RCHY1: variants seen among roughly 807,000 people sequenced by gnomAD.
RCHY1 encodes RING finger and CHY zinc finger domain-containing protein 1.
A neutral mutation model predicts 41.6 loss-of-function variants in RCHY1; 21 were observed. The ratio of observed to expected loss-of-function variants is 0.51; its 90% CI spans 0.36 to 0.73. The LOEUF (loss-of-function observed/expected upper bound fraction) is 0.73. Among genes scored for constraint, RCHY1 ranks in the 30% least tolerant of loss-of-function variants. The pLI is 0.00. For missense variants in RCHY1, 265 were observed against 325.3 expected, an observed-to-expected ratio of 0.81 and a Z score of 1.43; for synonymous variants, 79 against 102.9, an observed-to-expected ratio of 0.77 and a Z score of 1.41.
chr4:75,494,439 C>T (rs1578217742), intron 3 of RCHY1: 1 of 349,256 alleles, frequency 2.9e-6, no homozygotes. Context: ...ACACACATTT[C>T]GGGTTTGATT....
At chr4:75,510,013 A>G (rs1216098511) in intron 1 of RCHY1, among the ~76,000 whole-genome samples, 1 of 152,230 alleles carries the variant, frequency 6.6e-6, no homozygotes, top group Non-Finnish European at 1.5e-5. Flanking sequence ...ATTCATTTAC[A>G]TTAAAAATAA....
At chr4:75,503,688 T>C (rs1247671552) in intron 3 of RCHY1, among the ~76,000 whole-genome samples, 2 of 151,106 alleles carry the variant, frequency 1.3e-5, no homozygotes, top group Admixed American at 6.6e-5. Flanking sequence ...TGGGACTCCA[T>C]CTCAAAAAAA....
intron 8 of RCHY1, among the ~76,000 whole-genome samples, chr4:75,486,066 T>G (rs1176894531): frequency 4.6e-5 from 7 of 152,176 alleles, no homozygotes; most frequent in South Asian, 2.1e-4. Context: ...CACTAGAGCT[T>G]CTTCTTCCCT....
At position 75,482,358 on chromosome 4, in the gene RCHY1, A is replaced by T. The variant is rs1721586677; in HGVS notation, c.*180T>A. The T allele has an allele frequency of 2.4e-6, 1 of 424,114 alleles. No individual in the cohort carries two copies. Among genetic ancestry groups the T allele is most frequent in the African/African-American group, 2.0e-5 (1 of 48,946 alleles). 26.3% of individuals were successfully genotyped at this position (424,114 alleles called of 1,614,324 possible). A position where few individuals can be genotyped will look rare whatever the true frequency, so the allele number is the denominator to read the frequency against. On this transcript the variant is annotated 3_prime_UTR_variant, in exon 9 of 9. Coordinates refer to ENST00000324439, the MANE Select transcript of RCHY1 (RefSeq NM_015436.4). ...AGTGGCTTTCATTCAATATAGAGCT[A>T]TGATAAGTCTATCAAGAGACCCTGA...
chr4:75,505,219 T>C (rs1724180317), intron 3 of RCHY1, among the ~76,000 whole-genome samples: 1 of 152,178 alleles, frequency 6.6e-6, no homozygotes. Context: ...ACTACTGATG[T>C]GACAGGAGGC....
At chr4:75,514,506 T>G (rs962696807), upstream of RCHY1, 5 of 520,680 alleles carry the variant, frequency 9.6e-6, no homozygotes, top group African/African-American at 5.7e-5. Context: ...TTAGTCGCAG[T>G]CTTCGCTGCT....
At chr4:75,500,580 C>T (rs78091103) in intron 3 of RCHY1, among the ~76,000 whole-genome samples, 67 of 152,238 alleles carry the variant, frequency 4.4e-4, no homozygotes, top group African/African-American at 1.5e-3. Flanking sequence ...AAACTCTGTA[C>T]GAAGCACTTG....
At chr4:75,503,706 TAAAAA>T in intron 3 of RCHY1, among the ~76,000 whole-genome samples, 1 of 148,130 alleles carries the variant, frequency 6.8e-6, no homozygotes, top group East Asian at 2.0e-4. Flanking sequence ...AAAAATTAAT[TAAAAA>T]AAAAAAGAAA....
chr4:75,496,714 T>G (rs1723242568), intron 3 of RCHY1, among the ~76,000 whole-genome samples: 3 of 152,132 alleles, frequency 2.0e-5, no homozygotes, highest in Admixed American at 1.3e-4. Flanking sequence ...TCCCAGAAAG[T>G]CTAAACTGTT....
intron 1 of RCHY1, among the ~76,000 whole-genome samples, chr4:75,511,683 T>TTTCC (rs1724893540): frequency 6.6e-6 from 1 of 152,122 alleles, no homozygotes; most frequent in Admixed American, 6.6e-5. Flanking sequence ...TCAACATTTT[T>TTTCC]AAGTGAAGCT....
Position 75,509,256 on chromosome 4 carries a change from T to C in RCHY1, c.131A>G (p.His44Arg). 1 of 1,613,438 alleles carries C rather than the reference T, an allele frequency of 6.2e-7. No homozygotes were observed. The highest frequency in any genetic ancestry group is 8.5e-7 in the Non-Finnish European group (1 of 1,179,640). ...TAGTTGATGATCTTCATTGTTATCA[T>C]GACACAAGCGGCAAGTATAAAGCTT... ...CDKLYTCRLC[H>R]DNNEDHQLDR... Residue 44 changes from histidine to arginine, a missense_variant, in exon 2 of 9, where the codon CAT becomes CGT. Physicochemically the swap from His to Arg is conservative, Grantham distance 29 (BLOSUM62 0). Coordinates refer to ENST00000324439, the MANE Select transcript of RCHY1 (RefSeq NM_015436.4).
At chr4:75,504,041 A>G (rs1026930267) in intron 3 of RCHY1, among the ~76,000 whole-genome samples, 4 of 152,216 alleles carry the variant, frequency 2.6e-5, no homozygotes, top group African/African-American at 9.6e-5. Flanking sequence ...TCTCAAATGT[A>G]TTTGAATTTG....
At chr4:75,503,800 A>G (rs1724033213) in intron 3 of RCHY1, among the ~76,000 whole-genome samples, 1 of 152,228 alleles carries the variant, frequency 6.6e-6, no homozygotes, top group African/African-American at 2.4e-5. Flanking sequence ...GGACATCCTT[A>G]AAGAATGTGT....
chr4:75,505,241 A>G (rs1724182541), intron 3 of RCHY1, among the ~76,000 whole-genome samples: 1 of 152,186 alleles, frequency 6.6e-6, no homozygotes, highest in African/African-American at 2.4e-5. Context: ...GAGCTCAGAC[A>G]GTAATGGTCG....
intron 8 of RCHY1, among the ~76,000 whole-genome samples, chr4:75,484,071 G>T (rs1027045195): frequency 1.3e-5 from 2 of 152,188 alleles, no homozygotes; most frequent in African/African-American, 4.8e-5. Flanking sequence ...GTTCAGGGCT[G>T]CCTGATTCAC....
At chr4:75,511,940 C>T (rs1316616482) in intron 1 of RCHY1, among the ~76,000 whole-genome samples, 1 of 152,118 alleles carries the variant, frequency 6.6e-6, no homozygotes, top group Non-Finnish European at 1.5e-5. Context: ...TACAGAACAA[C>T]GGCACCCTCT....
At chr4:75,499,776 G>C (rs1723570378) in intron 3 of RCHY1, among the ~76,000 whole-genome samples, 1 of 152,186 alleles carries the variant, frequency 6.6e-6, no homozygotes, top group Non-Finnish European at 1.5e-5. Flanking sequence ...GGGTAGGGAG[G>C]ATGGGGCAGG....
At chr4:75,489,422 C>T (rs185025192) in intron 8 of RCHY1, among the ~76,000 whole-genome samples, 2 of 152,206 alleles carry the variant, frequency 1.3e-5, no homozygotes, top group East Asian at 3.9e-4. Flanking sequence ...TGGGACATTC[C>T]TAGAGAAATC....
intron 3 of RCHY1, among the ~76,000 whole-genome samples, chr4:75,501,609 AC>A (rs1456500192): frequency 6.6e-6 from 1 of 152,240 alleles, no homozygotes; most frequent in Non-Finnish European, 1.5e-5. Context: ...AACGTGAGTC[AC>A]ATATTACAAT....
Sources: gnomAD v4.1 joint callset for allele counts (sites outside exome capture counted in the v4.1 genomes callset) on GRCh38, gnomAD v4.1.1 for gene constraint, MANE v1.5 for transcripts, NCBI Gene and HGNC (gene_info 2026-07-23, HGNC 2026-07-21) for gene names.